GRAMD1A: variants seen among roughly 807,000 people sequenced by gnomAD.
GRAMD1A encodes the protein GRAM domain containing 1A.
GRAMD1A carries 50 observed loss-of-function variants against 92.0 expected under a neutral mutation model. The observed-to-expected ratio is 0.54, with a 90% CI of 0.43 to 0.69. The LOEUF (loss-of-function observed/expected upper bound fraction) is 0.69, where lower values mean the gene tolerates loss of function less well. Among genes scored for constraint, GRAMD1A ranks in the 30% least tolerant of loss-of-function variants. The probability of loss-of-function intolerance (pLI) is 0.00; values close to 1 mark genes in which losing one functional copy is unlikely to be tolerated. For missense variants in GRAMD1A, 819 were observed against 978.9 expected, an observed-to-expected ratio of 0.84 and a Z score of 2.18; for synonymous variants, 405 against 403.6, an observed-to-expected ratio of 1.00 and a Z score of -0.04.
chr19:34,999,738 A>AT (rs2014209730), upstream of GRAMD1A, among the ~76,000 whole-genome samples: 1 of 152,200 alleles, frequency 6.6e-6, no homozygotes, highest in Non-Finnish European at 1.5e-5. Flanking sequence ...CTCAGCACAG[A>AT]TAAGAGCCAG....
intron 1 of GRAMD1A, among the ~76,000 whole-genome samples, chr19:35,007,973 C>G (rs1048107250): frequency 6.6e-6 from 1 of 152,136 alleles, no homozygotes; most frequent in African/African-American, 2.4e-5. Flanking sequence ...GCTCCGACAA[C>G]TGAGTGGAAA....
At chr19:35,011,601 A>T (rs200140639) in intron 7 of GRAMD1A, 47 bp downstream of exon 7, 4 of 1,364,600 alleles carry the variant, frequency 2.9e-6, no homozygotes, top group Non-Finnish European at 4.2e-6. Context: ...TTCCAGGGGG[A>T]CCATGGAGCC....
intron 1 of GRAMD1A, among the ~76,000 whole-genome samples, chr19:35,008,384 G>T (rs2151708967): frequency 6.6e-6 from 1 of 151,712 alleles, no homozygotes; most frequent in South Asian, 2.1e-4. Flanking sequence ...TATGTGCCAT[G>T]CTCTGTTAGA....
At chr19:35,007,269 G>A (rs1490358137) in intron 1 of GRAMD1A, among the ~76,000 whole-genome samples, 1 of 152,154 alleles carries the variant, frequency 6.6e-6, no homozygotes, top group Non-Finnish European at 1.5e-5. Flanking sequence ...TAAAAATAAC[G>A]GATGCTGGGT....
chr19:35,005,091 C>T (rs989182303), intron 1 of GRAMD1A, among the ~76,000 whole-genome samples: 1 of 148,728 alleles, frequency 6.7e-6, no homozygotes, highest in Admixed American at 6.7e-5. Context: ...CTATGGGGGG[C>T]GGGGAAGGAG....
chr19:35,022,491 G>A (rs920522188), intron 16 of GRAMD1A, among the ~76,000 whole-genome samples: 2 of 152,134 alleles, frequency 1.3e-5, no homozygotes, highest in Non-Finnish European at 2.9e-5. Flanking sequence ...GATGGGGGAG[G>A]TATGGGCAGA....
rs1196889692 is a variant in GRAMD1A, at chr19:35,008,543, TG to T, written c.9-573del. 4.0e-5 allele frequency among the ~76,000 whole-genome samples: 6 copies of T among 151,014 alleles called. No homozygotes were observed. In the East Asian group the frequency reaches 1.2e-3, roughly 30 times the overall value. ...CGTCTCAAAAAAAATTAAAGTAGGC[TG>T]GGCACGGTGGCTCCCACCTGTAATC... On this transcript the variant is annotated intron_variant, in intron 1 of 19. Transcript: ENST00000317991.
At position 35,026,037 on chromosome 19, in the gene GRAMD1A, TC is replaced by T; in HGVS notation, c.2083-10del. 1 of 1,488,074 alleles carries T rather than the reference TC, an allele frequency of 6.7e-7. No homozygotes were observed. Among genetic ancestry groups the T allele is most frequent in the Non-Finnish European group, 9.4e-7 (1 of 1,065,698 alleles). 92.2% of individuals were successfully genotyped at this position (1,488,074 alleles called of 1,614,324 possible). ...GCGTTCACCCCCGACCCTGCTCACC[TC>T]CTCCCCGCAGATGAAGTTCTCGCTG... On this transcript the variant is annotated splice_polypyrimidine_tract_variant and intron_variant, in intron 19 of 19. Transcript: ENST00000317991.
chr19:35,005,093 G>A (rs923555010), intron 1 of GRAMD1A, among the ~76,000 whole-genome samples: 6 of 151,990 alleles, frequency 3.9e-5, no homozygotes, highest in African/African-American at 1.4e-4. Context: ...ATGGGGGGCG[G>A]GGAAGGAGGG....
intron 11 of GRAMD1A, among the ~76,000 whole-genome samples, chr19:35,016,595 A>G (rs1034239057): frequency 1.5e-4 from 15 of 102,374 alleles, no homozygotes; most frequent in South Asian, 7.5e-4. Flanking sequence ...CTCTGTCTCA[A>G]AAAAACAGGG....
chr19:35,011,231 C>T (rs1181128072), intron 6 of GRAMD1A, among the ~76,000 whole-genome samples: 1 of 152,156 alleles, frequency 6.6e-6, no homozygotes. Context: ...CATCTGTCCC[C>T]TCCTTGGACT....
At chr19:35,000,071 C>G, upstream of GRAMD1A, 4 of 987,078 alleles carry the variant, frequency 4.1e-6, no homozygotes, top group Non-Finnish European at 4.8e-6. The surrounding 1 kb of genome is among the most constrained non-coding windows in gnomAD (Gnocchi z 4.9). Flanking sequence ...AGGGGGCTCC[C>G]CAACCTGCGG....
intron 1 of GRAMD1A, among the ~76,000 whole-genome samples, chr19:35,003,760 G>A (rs1317018935): frequency 6.6e-6 from 1 of 152,188 alleles, no homozygotes; most frequent in Non-Finnish European, 1.5e-5. Context: ...GTGCACCTCC[G>A]CTACTCCCTC....
At position 35,003,063 on chromosome 19, in the gene GRAMD1A, T is replaced by G. The variant is rs539045299; in HGVS notation, c.8+2577T>G. 2.5e-4 allele frequency among the ~76,000 whole-genome samples: 36 copies of G among 141,560 alleles called. No individual in the cohort carries two copies. In the East Asian group the frequency reaches 7.2e-3, roughly 28 times the overall value. 92.9% of individuals were successfully genotyped at this position (141,560 alleles called of 152,430 possible). A position where few individuals can be genotyped will look rare whatever the true frequency, so the allele number is the denominator to read the frequency against. On this transcript the variant is annotated intron_variant, in intron 1 of 19. Transcript: ENST00000317991. ...TGTAGCAGACTAGCAATGCTGCAGGTGTGTGTGTGTGTGTGTGTGTGTGTG... is the reference window on the plus strand; with the variant it reads ...TGTAGCAGACTAGCAATGCTGCAGGGGTGTGTGTGTGTGTGTGTGTGTGTG...
intron 1 of GRAMD1A, among the ~76,000 whole-genome samples, chr19:35,003,143 C>CGCGTGT (rs74183347): frequency 1.4e-5 from 2 of 141,174 alleles, no homozygotes; most frequent in East Asian, 4.1e-4. Flanking sequence ...TTGCTCTGTG[C>CGCGTGT]GTGTGTGTGT....
Position 35,014,213 on chromosome 19 carries a change from G to A in GRAMD1A, c.895G>A (p.Val299Ile), listed in dbSNP as rs1383698931. 1.9e-6 allele frequency: 3 copies of A among 1,613,680 alleles called. No homozygotes were observed. The highest frequency in any genetic ancestry group is 2.5e-6 in the Non-Finnish European group (3 of 1,180,018). ...GGCAGAGGAGGACAAGGAGGAGCAG[G>A]TAGACAGCCAGCCAGACGCCTCCTC... ...HGAEEDKEEQVDSQPDASSSQ... is the reference protein window; with the variant it reads ...HGAEEDKEEQIDSQPDASSSQ... Residue 299 changes from valine to isoleucine, a missense_variant, in exon 10 of 20, where the codon GTA becomes ATA. Transcript: ENST00000317991.
upstream of GRAMD1A, chr19:34,996,211 G>A: frequency 6.5e-7 from 1 of 1,535,676 alleles, no homozygotes; most frequent in Non-Finnish European, 8.7e-7. Context: ...CCAGTGATGG[G>A]GAGTCCCCCG....
rs150364317 is a variant in GRAMD1A at position 35,021,390 on chromosome 19, G to C, written c.1476-112G>C. Reference sequence around the variant, plus strand: ...GGGAACCCATCTGTTTTGTCTGTGAGTGACAAGGGGCCCTCTCTGAATTAG... The same window carrying C: ...GGGAACCCATCTGTTTTGTCTGTGACTGACAAGGGGCCCTCTCTGAATTAG... On this transcript the variant is annotated intron_variant, in intron 13 of 19. Transcript: ENST00000317991. This position sits in a 1 kb window ranked among gnomAD's most constrained non-coding sequence, Gnocchi z 5.3. 3 of 775,704 alleles carry C rather than the reference G, an allele frequency of 3.9e-6. No individual in the cohort carries two copies. Among genetic ancestry groups the C allele is most frequent in the African/African-American group, 3.4e-5 (2 of 58,856 alleles). 48.1% of individuals were successfully genotyped at this position (775,704 alleles called of 1,614,324 possible).
Position 35,013,233 on chromosome 19 carries a change from A to G in GRAMD1A, c.607-23A>G. 7.4e-7 allele frequency: 1 copy of G among 1,355,560 alleles called. No homozygotes were observed. The highest frequency in any genetic ancestry group is 1.3e-5 in the South Asian group (1 of 79,654). 84.0% of individuals were successfully genotyped at this position (1,355,560 alleles called of 1,614,324 possible). The stretch of plus-strand genomic sequence containing the variant: ...CTCTGGCTGGGGTGAGATGGAGGCC[A>G]ACCCCAGGTCCCGCCTCCCCAGACG... On this transcript the variant is annotated intron_variant, in intron 7 of 19. Transcript: ENST00000317991. The surrounding 1 kb of genome is among the most constrained non-coding windows in gnomAD (Gnocchi z 4.9).
Sources: gnomAD v4.1 joint callset for allele counts (sites outside exome capture counted in the v4.1 genomes callset) on GRCh38, gnomAD v4.1.1 for gene constraint, Gnocchi (gnomAD v3.1) non-coding constraint, MANE v1.5 for transcripts, NCBI Gene and HGNC (gene_info 2026-07-23, HGNC 2026-07-21) for gene names.